Variants in NTRK1 observed in about 807,000 individuals in gnomAD.
NTRK1 encodes the protein high affinity nerve growth factor receptor.
A neutral mutation model predicts 86.8 loss-of-function variants in NTRK1; 62 were observed. That is an observed-to-expected ratio of 0.71 (90% CI 0.58 to 0.88). The LOEUF is 0.88. NTRK1 is among the 40% of genes least tolerant of loss of function. The probability of loss-of-function intolerance (pLI) is 0.00; values close to 1 mark genes in which losing one functional copy is unlikely to be tolerated. For synonymous variants in NTRK1, 469 were observed against 456.6 expected, an observed-to-expected ratio of 1.03 and a Z score of -0.35; for missense variants, 967 against 1,078.4, an observed-to-expected ratio of 0.90 and a Z score of 1.45.
rs367808960 is a variant in NTRK1 at position 156,815,795 on chromosome 1, A to C, written c.-107A>C. On this transcript the variant is annotated 5_prime_UTR_variant, in exon 1 of 17. Transcript: ENST00000392302. ...CTCAGCCTGAGCTTCCAGAGGGCCT[A>C]GGAGCAGTAAGGGAGTGAGTGGGCA... 155 of 1,613,812 alleles carry C rather than the reference A, an allele frequency of 9.6e-5. 3 individuals carry two copies. The Middle Eastern group carries it at 1.2e-3, about 12-fold the overall frequency.
chr1:156,861,738 C>G (rs1020269091), intron 1 of NTRK1, among the ~76,000 whole-genome samples: 2 of 152,092 alleles, frequency 1.3e-5, no homozygotes, highest in African/African-American at 4.8e-5. Flanking sequence ...GAAATGGGAC[C>G]CCCTCCTGGA....
chr1:156,842,507 AC>A (rs752791999), intron 2 of NTRK1: 1 of 1,611,666 alleles, frequency 6.2e-7, no homozygotes, highest in African/African-American at 1.3e-5. Flanking sequence ...CAGGAGACGC[AC>A]CTGGGACAGA....
At position 156,868,107 on chromosome 1, in the gene NTRK1, C is replaced by G. The variant is rs769997987; in HGVS notation, c.432C>G (p.Val144=). 6.8e-6 allele frequency: 11 copies of G among 1,613,800 alleles called. 2 individuals carry two copies. In the South Asian group the frequency reaches 9.9e-5, roughly 14 times the overall value. Residue 144 remains valine (V), a synonymous_variant, in exon 5 of 17, where the codon GTC becomes GTG. Transcript: ENST00000524377. ...TVQGLSLQEL[V]LSGNPLHCSC... The stretch of plus-strand genomic sequence containing the variant: ...TGGTGTCCCCCATGCCCCCCAGGGT[C>G]CTGTCGGGGAACCCTCTGCACTGTT...
intron 16 of NTRK1, 26 bp from the exon 17 acceptor site, chr1:156,881,431 C>T (rs377104891): frequency 1.0e-5 from 16 of 1,550,728 alleles, no homozygotes; most frequent in Non-Finnish European, 1.2e-5. Flanking sequence ...AGTGGGCTTT[C>T]TCCTCTGTCT....
chr1:156,853,259 G>C lies in NTRK1; in HGVS notation c.50+11066G>C, dbSNP rs369173010. On this transcript the variant is annotated intron_variant, in intron 2 of 16. Coordinates refer to the NTRK1 transcript ENST00000392302. ...CACTGTGCTGTGGCCACTCTGATTA[G>C]GAACATAGAACTGCTACCATGACCC... is the stretch of plus-strand genomic sequence containing the variant. Among the ~76,000 whole-genome samples the C allele has an allele frequency of 5.9e-5, 9 of 152,238 alleles. No individual in the cohort carries two copies. In the East Asian group the frequency reaches 1.2e-3, roughly 20 times the overall value.
intron 1 of NTRK1, among the ~76,000 whole-genome samples, chr1:156,830,721 A>G (rs1558077631): frequency 2.6e-5 from 4 of 151,906 alleles, no homozygotes; most frequent in Non-Finnish European, 4.4e-5. Context: ...CGTCTGGCCA[A>G]TTTTTGTACT....
chr1:156,845,110 G>T lies in NTRK1; in HGVS notation c.50+2917G>T, dbSNP rs1571660297. On this transcript the variant is annotated intron_variant, in intron 2 of 16. Coordinates refer to the NTRK1 transcript ENST00000392302. ...TGGTGCGCGCAAAGACGAAGGTGGC[G>T]GCGCTGCAGCCCACGGTGTGCGCCG... 5 of 1,610,970 alleles carry T rather than the reference G, an allele frequency of 3.1e-6. No homozygotes were observed. In the East Asian group the frequency reaches 1.1e-4, roughly 36 times the overall value.
At chr1:156,862,241 G>C (rs962073023) in intron 1 of NTRK1, among the ~76,000 whole-genome samples, 2 of 152,162 alleles carry the variant, frequency 1.3e-5, no homozygotes, top group Non-Finnish European at 1.5e-5. Context: ...GGTAATTAAC[G>C]GGAAGGCACT....
rs1655080266 is a variant in NTRK1 at position 156,848,290 on chromosome 1, T to C, written c.50+6097T>C. Among the ~76,000 whole-genome samples, 2 of 152,206 alleles carry C rather than the reference T, an allele frequency of 1.3e-5. 1 individual carries two copies. Among genetic ancestry groups the C allele is most frequent in the Admixed American group, 1.3e-4 (2 of 15,284 alleles). Reference sequence around the variant, plus strand: ...GCTTCTAAGCCAGGTGGCCTCCATCTTCTATAATATCTACCAGAGAGAGAG... The same window carrying C: ...GCTTCTAAGCCAGGTGGCCTCCATCCTCTATAATATCTACCAGAGAGAGAG... On this transcript the variant is annotated intron_variant, in intron 2 of 16. Coordinates refer to the NTRK1 transcript ENST00000392302.
At chr1:156,851,670 G>C (rs769724360) in intron 2 of NTRK1, 12 of 1,614,090 alleles carry the variant, frequency 7.4e-6, no homozygotes, top group Non-Finnish European at 8.5e-6. Flanking sequence ...TTGAGGATGA[G>C]GCTTCCCTCC....
chr1:156,830,708 C>T (rs1315934287), intron 1 of NTRK1, among the ~76,000 whole-genome samples: 1 of 152,106 alleles, frequency 6.6e-6, no homozygotes, highest in African/African-American at 2.4e-5. Context: ...GCATGAACCA[C>T]CACGTCTGGC....
chr1:156,868,370 G>A, intron 5 of NTRK1, 121 bp downstream of exon 5: 1 of 1,534,520 alleles, frequency 6.5e-7, no homozygotes, highest in Non-Finnish European at 8.8e-7. Context: ...AAAGGCTGGG[G>A]GAAACTGCCT....
At chr1:156,856,068 CA>C (rs1304184337), upstream of NTRK1, among the ~76,000 whole-genome samples, 4 of 151,982 alleles carry the variant, frequency 2.6e-5, no homozygotes, top group African/African-American at 9.7e-5. Flanking sequence ...CTCGGCCTCC[CA>C]AAGTGATGGG....
chr1:156,851,512 C>T (rs748837334), intron 2 of NTRK1: 33 of 1,605,810 alleles, frequency 2.1e-5, no homozygotes, highest in South Asian at 1.7e-4. Context: ...GAATGGGGGC[C>T]CCGGGAAGGT....
chr1:156,869,456 CG>C (rs1647414002), intron 6 of NTRK1, among the ~76,000 whole-genome samples: 1 of 152,010 alleles, frequency 6.6e-6, no homozygotes, highest in South Asian at 2.1e-4. Flanking sequence ...GATGAGTTCT[CG>C]GGGGTATCGT....
chr1:156,864,068 G>A (rs1445284946), intron 1 of NTRK1, among the ~76,000 whole-genome samples: 3 of 152,156 alleles, frequency 2.0e-5, no homozygotes, highest in African/African-American at 4.8e-5. Flanking sequence ...GTGCATGTGT[G>A]CAAGAGGTAT....
chr1:156,834,623 T>C (rs1654551131), intron 1 of NTRK1, among the ~76,000 whole-genome samples: 1 of 152,088 alleles, frequency 6.6e-6, no homozygotes, highest in Admixed American at 6.6e-5. Flanking sequence ...TTTTAAAACA[T>C]CTAATTTGGA....
chr1:156,845,667 A>G, intron 2 of NTRK1: 2 of 1,610,768 alleles, frequency 1.2e-6, no homozygotes, highest in Non-Finnish European at 1.7e-6. Context: ...CTTCTTCTGG[A>G]ACGAGGCCTC....
At chr1:156,834,436 G>A (rs1432209236) in intron 1 of NTRK1, among the ~76,000 whole-genome samples, 1 of 152,186 alleles carries the variant, frequency 6.6e-6, no homozygotes, top group African/African-American at 2.4e-5. Context: ...CAGGGAAGAT[G>A]CAATTTAGAA....
Sources: allele counts gnomAD v4.1 joint callset (sites outside exome capture counted in the v4.1 genomes callset), GRCh38; gene constraint gnomAD v4.1.1; transcripts MANE v1.5; gene names NCBI Gene and HGNC (gene_info 2026-07-23, HGNC 2026-07-21).